ANKRD17: variants seen among roughly 807,000 people sequenced by gnomAD.
ANKRD17 encodes the protein ankyrin repeat domain 17.
A neutral mutation model predicts 229.7 loss-of-function variants in ANKRD17; 19 were observed. The ratio of observed to expected loss-of-function variants is 0.08; its 90% CI spans 0.06 to 0.12. The LOEUF (loss-of-function observed/expected upper bound fraction) is 0.12. ANKRD17 is among the 10% of genes least tolerant of loss of function. The pLI is 1.00. For synonymous variants in ANKRD17, 1,112 were observed against 1,146.1 expected (o/e 0.97, Z 0.60); for missense variants, 2,176 against 3,176.8 (o/e 0.68, Z 7.57).
intron 7 of ANKRD17, among the ~76,000 whole-genome samples, chr4:73,149,809 G>T (rs1208445350): frequency 1.3e-5 from 2 of 152,108 alleles, no homozygotes; most frequent in African/African-American, 4.8e-5. Flanking sequence ...AGGCTATAGT[G>T]AGCTATGATC....
intron 27 of ANKRD17, among the ~76,000 whole-genome samples, chr4:73,096,369 T>TGTGTGTATA (rs1483636866): frequency 1.3e-5 from 2 of 152,262 alleles, no homozygotes; most frequent in Non-Finnish European, 2.9e-5. Context: ...AAAGAAAGAA[T>TGTGTGTATA]GTGTGTATAG....
Position 73,147,441 on chromosome 4 carries a change from A to C in ANKRD17, c.1568-9T>G. On this transcript the variant is annotated splice_polypyrimidine_tract_variant and intron_variant, in intron 8 of 33. Transcript: ENST00000358602. The stretch of plus-strand genomic sequence containing the variant: ...TGCATTGATATTTGCTCCTAAAATA[A>C]AGATTCTAATTATTTAAAGAAAGTC... The C allele has an allele frequency of 2.6e-6, 4 of 1,525,158 alleles. No homozygotes were observed. The highest frequency in any genetic ancestry group is 2.6e-6 in the Non-Finnish European group (3 of 1,138,510). The allele number at this position is 1,525,158 out of a possible 1,614,324, so 94.5% of individuals were successfully genotyped here.
Position 73,073,911 on chromosome 4 carries a change from A to G in ANKRD17, c.*2320T>C, listed in dbSNP as rs1720857402. ...AAATCATTTCTTAAAACAATGATGT[A>G]GTCTGCATATACACATACCACATAT... On this transcript the variant is annotated 3_prime_UTR_variant, in exon 34 of 34. Transcript: ENST00000358602. The G allele has an allele frequency of 6.6e-6, 1 of 152,092 alleles. No homozygotes were observed. The highest frequency in any genetic ancestry group is 6.5e-5 in the Admixed American group (1 of 15,286). The allele number at this position is 152,092 out of a possible 1,614,324, so 9.4% of individuals were successfully genotyped here.
chr4:73,076,504 G>C (rs960593520), intron 33 of ANKRD17, among the ~76,000 whole-genome samples: 2 of 151,646 alleles, frequency 1.3e-5, no homozygotes, highest in African/African-American at 4.8e-5. Flanking sequence ...ATCATTACCT[G>C]AGCATTTATA....
intron 2 of ANKRD17, among the ~76,000 whole-genome samples, chr4:73,165,755 T>G (rs534573351): frequency 6.0e-4 from 91 of 152,266 alleles, no homozygotes; most frequent in African/African-American, 2.0e-3. Flanking sequence ...AGTCAGAGAT[T>G]AAAAGCACAA....
intron 22 of ANKRD17, among the ~76,000 whole-genome samples, chr4:73,117,933 T>C (rs1366856701): frequency 6.6e-6 from 1 of 152,232 alleles, no homozygotes; most frequent in Admixed American, 6.5e-5. Flanking sequence ...GTAATATACT[T>C]GAAACTTAGT....
At chr4:73,090,568 T>C (rs1243064064) in intron 29 of ANKRD17, 99 bp downstream of exon 29, 11 of 1,439,342 alleles carry the variant, frequency 7.6e-6, no homozygotes, top group Non-Finnish European at 1.0e-5. Flanking sequence ...AATCTTTGTC[T>C]ATATCGTCCA....
In ANKRD17 at chr4:73,186,076, T is replaced by C. The variant is rs977329831; in HGVS notation, c.394-8543A>G. Among the ~76,000 whole-genome samples the C allele has an allele frequency of 5.3e-5, 8 of 152,086 alleles. No individual in the cohort carries two copies. In the East Asian group the frequency reaches 1.3e-3, roughly 26 times the overall value. ...GCAGATTTACACATAAAATAAGAAA[T>C]AAGAAGTATTCATAATTGTAAAGTC... is the stretch of plus-strand genomic sequence containing the variant. On this transcript the variant is annotated intron_variant, in intron 1 of 33. Transcript: ENST00000358602.
chr4:73,135,796 T>A (rs1255664340), intron 15 of ANKRD17, among the ~76,000 whole-genome samples: 1 of 152,158 alleles, frequency 6.6e-6, no homozygotes, highest in African/African-American at 2.4e-5. Context: ...ATAGTAATAT[T>A]CTGCATTGTA....
rs533326422 is a variant in ANKRD17 at position 73,139,655 on chromosome 4, C to T, written c.2961G>A (p.Gln987=). 3 of 1,614,024 alleles carry T rather than the reference C, an allele frequency of 1.9e-6. No homozygotes were observed. The highest frequency in any genetic ancestry group is 2.5e-6 in the Non-Finnish European group (3 of 1,180,028). Residue 987 remains glutamine, a synonymous_variant, in exon 15 of 34, where the codon CAG becomes CAA. Coordinates refer to ENST00000358602, the MANE Select transcript of ANKRD17 (RefSeq NM_032217.5). ...LTELQGVIVG[Q]PVLGQAQLAG... is the part of the protein sequence containing the mutation. The stretch of plus-strand genomic sequence containing the variant: ...CCAACTGTGCTTGGCCCAGTACTGG[C>T]TGTCCAACTATCACTCCTTGCAGTT...
At position 73,120,412 on chromosome 4, in the gene ANKRD17, T is replaced by G. The variant is rs372210792; in HGVS notation, c.3850-75A>C. The G allele has an allele frequency of 4.1e-5, 56 of 1,377,900 alleles. No individual in the cohort carries two copies. In the African/African-American group the frequency reaches 7.0e-4, roughly 17 times the overall value. The allele number at this position is 1,377,900 out of a possible 1,614,324, so 85.4% of individuals were successfully genotyped here. ...ATCTAAAATTGTAAAGAATAACAAC[T>G]TGAAGAAGGAATATGATACAGCTGT... On this transcript the variant is annotated intron_variant, in intron 20 of 33. Coordinates refer to ENST00000358602, the MANE Select transcript of ANKRD17 (RefSeq NM_032217.5).
In ANKRD17 at chr4:73,102,512, C is replaced by A; in HGVS notation, c.4437G>T (p.Ala1479=). ...REESRRLALA[A]KREKRKEKRR... is the part of the protein sequence containing the mutation. Reference sequence around the variant, plus strand: ...TCTTCTCTTTTCTTTTTTCTCTTTTCGCAGCCAAAGCCAGCCTCCGACTTT... The same window carrying A: ...TCTTCTCTTTTCTTTTTTCTCTTTTAGCAGCCAAAGCCAGCCTCCGACTTT... Residue 1479 remains alanine, a synonymous_variant, in exon 25 of 34, where the codon GCG becomes GCT. Coordinates refer to ENST00000358602, the MANE Select transcript of ANKRD17 (RefSeq NM_032217.5). 6.2e-7 allele frequency: 1 copy of A among 1,601,336 alleles called. No individual in the cohort carries two copies. Among genetic ancestry groups the A allele is most frequent in the Non-Finnish European group, 8.5e-7 (1 of 1,177,480 alleles).
chr4:73,234,637 T>C (rs1743345000), intron 1 of ANKRD17, among the ~76,000 whole-genome samples: 1 of 152,238 alleles, frequency 6.6e-6, no homozygotes, highest in Non-Finnish European at 1.5e-5. Flanking sequence ...GGTACCTGGA[T>C]AGGAAGTCAA....
intron 1 of ANKRD17, among the ~76,000 whole-genome samples, chr4:73,253,948 A>G (rs1745239883): frequency 6.6e-6 from 1 of 152,232 alleles, no homozygotes; most frequent in East Asian, 1.9e-4. Flanking sequence ...TATTCACTAA[A>G]AATGTTTTGT....
Position 73,125,208 on chromosome 4 carries a change from G to A in ANKRD17, c.3339C>T (p.Asp1113=), listed in dbSNP as rs772697940. ...LERGASIEHR[D]KKGFTPLILA... ...AACAAAAGTAGGCCCTACCTTTCTT[G>A]TCTCGGTGCTCTATACTAGCTCCTC... The change falls in exon 17 of 34, where the codon GAC becomes GAT. Residue 1113 remains aspartate, a synonymous_variant. Transcript: ENST00000358602. The A allele has an allele frequency of 2.1e-5, 34 of 1,600,962 alleles. No individual in the cohort carries two copies. In the African/African-American group the frequency reaches 4.4e-4, roughly 20 times the overall value.
intron 1 of ANKRD17, among the ~76,000 whole-genome samples, chr4:73,209,528 C>G (rs1461022564): frequency 6.6e-6 from 1 of 152,046 alleles, no homozygotes; most frequent in African/African-American, 2.4e-5. Context: ...AAAACAAAAC[C>G]CTAGGTGCAG....
Position 73,243,395 on chromosome 4 carries a change from C to T in ANKRD17, c.393+14881G>A, listed in dbSNP as rs192804274. On this transcript the variant is annotated intron_variant, in intron 1 of 33. Coordinates refer to ENST00000358602, the MANE Select transcript of ANKRD17 (RefSeq NM_032217.5). ...AGTAAGAAAATAGCCAGGGTTAAGG[C>T]GATGGTAGTGGAGAAGGAGAGAAGG... Among the ~76,000 whole-genome samples, 17 of 152,130 alleles carry T rather than the reference C, an allele frequency of 1.1e-4. No homozygotes were observed. In the East Asian group the frequency reaches 1.2e-3, roughly 10 times the overall value.
At chr4:73,204,147 A>C (rs1453667718) in intron 1 of ANKRD17, among the ~76,000 whole-genome samples, 1 of 151,992 alleles carries the variant, frequency 6.6e-6, no homozygotes, top group East Asian at 1.9e-4. Flanking sequence ...TCACGAGGTC[A>C]GGTCACTGAG....
chr4:73,130,724 T>C (rs370127558), intron 16 of ANKRD17, among the ~76,000 whole-genome samples: 5 of 151,842 alleles, frequency 3.3e-5, no homozygotes, highest in East Asian at 3.9e-4. Flanking sequence ...AGGGAGGACA[T>C]GTGACAAAAA....
Sources: gnomAD v4.1 joint callset for allele counts (sites outside exome capture counted in the v4.1 genomes callset) on GRCh38, gnomAD v4.1.1 for gene constraint, MANE v1.5 for transcripts, NCBI Gene and HGNC (gene_info 2026-07-23, HGNC 2026-07-21) for gene names.